TSHZ3: variants seen among roughly 807,000 people sequenced by gnomAD.
TSHZ3 encodes teashirt zinc finger homeobox 3.
Under a neutral mutation model 64.5 loss-of-function variants are expected in TSHZ3, and 10 were observed. That is an observed-to-expected ratio of 0.16 (90% CI 0.10 to 0.26). The LOEUF is 0.26. Ranked by LOEUF, TSHZ3 falls within the 10% of genes least tolerant of loss-of-function variation. The probability of loss-of-function intolerance (pLI) is 1.00; values close to 1 mark genes in which losing one functional copy is unlikely to be tolerated. For missense variants in TSHZ3, 1,242 were observed against 1,421.7 expected (o/e 0.87, Z 2.03); for synonymous variants, 608 against 593.1 (o/e 1.03, Z -0.36).
At chr19:31,294,046 C>G (rs1296080164) in intron 1 of TSHZ3, among the ~76,000 whole-genome samples, 1 of 152,146 alleles carries the variant, frequency 6.6e-6, no homozygotes, top group African/African-American at 2.4e-5. Flanking sequence ...CCAGGGCCAC[C>G]AGGGTATCTC....
intron 4 of TSHZ3, among the ~76,000 whole-genome samples, chr19:31,210,956 A>T (rs1975253364): frequency 6.6e-6 from 1 of 152,246 alleles, no homozygotes; most frequent in Non-Finnish European, 1.5e-5. Context: ...AGAAATAGCC[A>T]TGTACTACTT....
intron 1 of TSHZ3, among the ~76,000 whole-genome samples, chr19:31,267,953 C>G (rs1256626959): frequency 6.6e-6 from 1 of 152,118 alleles, no homozygotes; most frequent in African/African-American, 2.4e-5. Flanking sequence ...GGCTGTGTCC[C>G]CACCCAAATC....
chr19:31,270,584 C>T (rs958499835), downstream of TSHZ3, among the ~76,000 whole-genome samples: 3 of 152,184 alleles, frequency 2.0e-5, no homozygotes, highest in Admixed American at 6.5e-5. Flanking sequence ...CAAAGGGTTG[C>T]GATTACGGGC....
intron 1 of TSHZ3, among the ~76,000 whole-genome samples, chr19:31,330,534 A>G (rs907627935): frequency 2.6e-5 from 4 of 152,084 alleles, no homozygotes; most frequent in East Asian, 1.9e-4. Context: ...CATCGCCCCA[A>G]TGTCACTCTC....
At position 31,243,089 on chromosome 19, in the gene TSHZ3, G is replaced by A. The variant is rs1481245552; in HGVS notation, n.64-214C>T. Among the ~76,000 whole-genome samples, 3 of 152,268 alleles carry A rather than the reference G, an allele frequency of 2.0e-5. No homozygotes were observed. The East Asian group carries it at 5.8e-4, about 29-fold the overall frequency. ...AGATATCCTTTAATCCAGTCAAGTT[G>A]ATGCCTAAAATTAACCATCACACCC... is the stretch of plus-strand genomic sequence containing the variant. On this transcript the variant is annotated intron_variant and non_coding_transcript_variant, in intron 1 of 6. Transcript: ENST00000651361.
intron 1 of TSHZ3, among the ~76,000 whole-genome samples, chr19:31,282,831 G>T (rs560176847): frequency 2.0e-5 from 3 of 152,270 alleles, no homozygotes; most frequent in East Asian, 1.9e-4. Context: ...AGCAGAACTG[G>T]GTCCTGGAGA....
chr19:31,278,921 C>A lies in TSHZ3; in HGVS notation c.872G>T (p.Ser291Ile). The A allele has an allele frequency of 6.2e-7, 1 of 1,614,112 alleles. No homozygotes were observed. The highest frequency in any genetic ancestry group is 8.5e-7 in the Non-Finnish European group (1 of 1,180,024). Residue 291 changes from serine (S) to isoleucine (I), a missense_variant, in exon 2 of 2, where the codon AGT becomes ATT. This residue lies in a region of TSHZ3 where 555 missense variants were observed against 704.0 expected (regional missense o/e 0.79). Coordinates refer to ENST00000240587, the MANE Select transcript of TSHZ3 (RefSeq NM_020856.4). The surrounding 1 kb of genome is among the most constrained non-coding windows in gnomAD (Gnocchi z 4.7). Reference protein sequence around the residue: ...GHSFESLQDLSVHMIKTKHYQ... With the variant: ...GHSFESLQDLIVHMIKTKHYQ... Reference sequence around the variant, plus strand: ...GTGTTTTGTTTTGATCATATGGACACTCAAATCCTGCAGGGACTCAAAGGA... The same window carrying A: ...GTGTTTTGTTTTGATCATATGGACAATCAAATCCTGCAGGGACTCAAAGGA...
rs1465252299 is a variant in TSHZ3, at chr19:31,279,301, G to C, written c.492C>G (p.Ser164Arg). Residue 164 changes from serine to arginine, a missense_variant, in exon 2 of 2, where the codon AGC becomes AGG. By Grantham distance (110) the Ser-to-Arg change is moderately radical. Around this residue, in one of 4 missense-constraint regions of TSHZ3, gnomAD observed 555 missense variants for 704.0 expected, o/e 0.79. Transcript: ENST00000240587. This position sits in a 1 kb window ranked among gnomAD's most constrained non-coding sequence, Gnocchi z 6.4. The part of the protein sequence containing the change: ...SSSSSSCGSG[S>R]FDWHQSAMAK... Reference sequence around the variant, plus strand: ...CCATGGCGCTCTGGTGCCAGTCGAAGCTCCCGCTGCCACAGCTGCTGCTGC... The same window carrying C: ...CCATGGCGCTCTGGTGCCAGTCGAACCTCCCGCTGCCACAGCTGCTGCTGC... 7 of 1,613,702 alleles carry C rather than the reference G, an allele frequency of 4.3e-6. No homozygotes were observed. Among genetic ancestry groups the C allele is most frequent in the Non-Finnish European group, 8.5e-7 (1 of 1,179,830 alleles).
At chr19:31,169,647 A>G (rs1054515904) in intron 5 of TSHZ3, among the ~76,000 whole-genome samples, 1 of 151,964 alleles carries the variant, frequency 6.6e-6, no homozygotes, top group African/African-American at 2.4e-5. Flanking sequence ...TACCACAATG[A>G]AAAAAAAGGA....
At chr19:31,154,851 G>C (rs1293881621) in intron 6 of TSHZ3, among the ~76,000 whole-genome samples, 1 of 152,100 alleles carries the variant, frequency 6.6e-6, no homozygotes, top group African/African-American at 2.4e-5. Context: ...GGTTTTGTGG[G>C]GGGACACTTG....
intron 3 of TSHZ3, among the ~76,000 whole-genome samples, chr19:31,230,555 T>G (rs1599595128): frequency 6.6e-6 from 1 of 152,228 alleles, no homozygotes; most frequent in African/African-American, 2.4e-5. Context: ...GGGGAAATTC[T>G]TACAGCCAAA....
exon 6 of TSHZ3, among the ~76,000 whole-genome samples, chr19:31,156,417 C>T (rs1026569812): frequency 6.6e-6 from 1 of 152,134 alleles, no homozygotes; most frequent in African/African-American, 2.4e-5. Flanking sequence ...CTTTGTTCTC[C>T]CTATAAACAA....
intron 4 of TSHZ3, among the ~76,000 whole-genome samples, chr19:31,227,007 T>G (rs758953797): frequency 3.3e-4 from 45 of 137,522 alleles, no homozygotes; most frequent in Non-Finnish European, 5.4e-4. Flanking sequence ...GAGATGGAAT[T>G]TCTCTTTGTC....
intron 5 of TSHZ3, among the ~76,000 whole-genome samples, chr19:31,201,515 T>G (rs575564101): frequency 2.0e-5 from 3 of 152,312 alleles, no homozygotes; most frequent in Admixed American, 6.5e-5. Flanking sequence ...TCAATGATTT[T>G]GGGGAAAAAA....
chr19:31,250,230 G>C (rs907659664), intron 1 of TSHZ3, among the ~76,000 whole-genome samples: 1 of 152,204 alleles, frequency 6.6e-6, no homozygotes, highest in Non-Finnish European at 1.5e-5. Context: ...AGCAGACATT[G>C]TTACCCTTGA....
chr19:31,348,069 G>C (rs2021567167), intron 1 of TSHZ3, among the ~76,000 whole-genome samples: 1 of 152,220 alleles, frequency 6.6e-6, no homozygotes, highest in Non-Finnish European at 1.5e-5. Context: ...CCTTCAGGGA[G>C]CATCTGAACC....
chr19:31,235,248 G>A (rs1975590495), intron 3 of TSHZ3, among the ~76,000 whole-genome samples: 1 of 152,152 alleles, frequency 6.6e-6, no homozygotes, highest in African/African-American at 2.4e-5. Context: ...GTATGATACA[G>A]ATTAATCTAC....
At chr19:31,284,413 C>A (rs1321842300) in intron 1 of TSHZ3, among the ~76,000 whole-genome samples, 1 of 152,072 alleles carries the variant, frequency 6.6e-6, no homozygotes, top group Non-Finnish European at 1.5e-5. Context: ...TCAGGCTGGT[C>A]ATATCACCTC....
At chr19:31,239,742 G>A (rs908673046) in intron 3 of TSHZ3, among the ~76,000 whole-genome samples, 2 of 133,646 alleles carry the variant, frequency 1.5e-5, no homozygotes, top group African/African-American at 4.9e-5. Flanking sequence ...AACATGCCCA[G>A]CTAATTAAAA....
Sources: gnomAD v4.1 joint callset for allele counts (sites outside exome capture counted in the v4.1 genomes callset) on GRCh38, gnomAD v4.1.1 for gene constraint, gnomAD v4.1.1 regional missense constraint, Gnocchi (gnomAD v3.1) non-coding constraint, MANE v1.5 for transcripts, NCBI Gene and HGNC (gene_info 2026-07-23, HGNC 2026-07-21) for gene names.